CYP7B1: variants seen among roughly 807,000 people sequenced by gnomAD.
The protein encoded by CYP7B1 is cytochrome P450 7B1.
A neutral mutation model predicts 42.7 loss-of-function variants in CYP7B1; 29 were observed. The ratio of observed to expected loss-of-function variants is 0.68; its 90% CI spans 0.51 to 0.93. The LOEUF is 0.93. CYP7B1 is among the 40% of genes least tolerant of loss of function. The pLI, the probability that CYP7B1 is intolerant of heterozygous loss-of-function variation, is 0.00. For synonymous variants in CYP7B1, 235 were observed against 218.2 expected, an observed-to-expected ratio of 1.08 and a Z score of -0.68; for missense variants, 655 against 600.5, an observed-to-expected ratio of 1.09 and a Z score of -0.95.
At chr8:64,716,388 T>A (rs117602542) in intron 1 of CYP7B1, among the ~76,000 whole-genome samples, 1 of 152,270 alleles carries the variant, frequency 6.6e-6, no homozygotes, top group African/African-American at 2.4e-5. Context: ...TAAACATTTA[T>A]GGAAAATACT....
In CYP7B1 at chr8:64,590,936, C is replaced by T. The variant is rs776636288; in HGVS notation, c.*5706G>A. ...CTTGCAAAGCACTTGCATTTCTTAT[C>T]TGACATCTTTTAGGACAATTTGATT... On this transcript the variant is annotated 3_prime_UTR_variant, in exon 6 of 6. Coordinates refer to ENST00000310193, the MANE Select transcript of CYP7B1 (RefSeq NM_004820.5). 3.9e-5 allele frequency among the ~76,000 whole-genome samples: 6 copies of T among 152,106 alleles called. No homozygotes were observed. Among genetic ancestry groups the T allele is most frequent in the Non-Finnish European group, 8.8e-5 (6 of 67,972 alleles).
At chr8:64,694,831 C>T (rs985733184) in intron 1 of CYP7B1, among the ~76,000 whole-genome samples, 1 of 152,026 alleles carries the variant, frequency 6.6e-6, no homozygotes, top group Non-Finnish European at 1.5e-5. Context: ...TAATGGTTTC[C>T]CAGATTATCA....
At chr8:64,587,852 T>G (rs904836891), downstream of CYP7B1, 1 of 152,098 alleles carries the variant, frequency 6.6e-6, no homozygotes, top group African/African-American at 2.4e-5. Context: ...GAAAAGAGGA[T>G]TTGTCAGTTA....
chr8:64,715,716 A>G (rs1455622523), intron 1 of CYP7B1, among the ~76,000 whole-genome samples: 1 of 152,136 alleles, frequency 6.6e-6, no homozygotes, highest in African/African-American at 2.4e-5. Flanking sequence ...TTCTTTCTAC[A>G]CCCAAAAGAG....
intron 4 of CYP7B1, among the ~76,000 whole-genome samples, chr8:64,614,368 G>A (rs556909390): frequency 6.6e-6 from 1 of 152,076 alleles, no homozygotes; most frequent in African/African-American, 2.4e-5. Flanking sequence ...ATGAGTCGGT[G>A]AGTATTTTAT....
intron 1 of CYP7B1, among the ~76,000 whole-genome samples, chr8:64,772,148 C>T (rs1276269261): frequency 6.6e-6 from 1 of 152,206 alleles, no homozygotes; most frequent in Admixed American, 6.5e-5. Flanking sequence ...CACACCATGC[C>T]TTCCTTTACT....
rs928209445 is a variant in CYP7B1 at position 64,593,653 on chromosome 8, A to AT, written c.*2988dup. Among the ~76,000 whole-genome samples, 17 of 152,140 alleles carry AT rather than the reference A, an allele frequency of 1.1e-4. No homozygotes were observed. Among genetic ancestry groups the AT allele is most frequent in the Non-Finnish European group, 1.8e-4 (12 of 68,026 alleles). The stretch of plus-strand genomic sequence containing the variant: ...ATGAACTTTAAATCTAGGTCTAAAG[A>AT]TTTTTCAGAGATAAAAATCCAAGGA... On this transcript the variant is annotated 3_prime_UTR_variant, in exon 6 of 6. Transcript: ENST00000310193.
intron 1 of CYP7B1, among the ~76,000 whole-genome samples, chr8:64,710,813 T>C (rs933882005): frequency 2.0e-5 from 3 of 149,930 alleles, no homozygotes; most frequent in Non-Finnish European, 3.0e-5. Context: ...ATATATAATA[T>C]ATAAACATAA....
At chr8:64,630,041 G>A (rs868243870) in intron 1 of CYP7B1, among the ~76,000 whole-genome samples, 6 of 152,160 alleles carry the variant, frequency 3.9e-5, no homozygotes, top group African/African-American at 1.4e-4. Flanking sequence ...AGCAATGAAC[G>A]CAAAGGTGGA....
intron 1 of CYP7B1, among the ~76,000 whole-genome samples, chr8:64,792,524 T>G (rs1200583757): frequency 6.6e-6 from 1 of 152,174 alleles, no homozygotes; most frequent in Non-Finnish European, 1.5e-5. Context: ...GTACTGAGTA[T>G]TTAATCAATT....
At chr8:64,641,482 G>T (rs1217086052) in intron 1 of CYP7B1, among the ~76,000 whole-genome samples, 1 of 152,096 alleles carries the variant, frequency 6.6e-6, no homozygotes, top group Non-Finnish European at 1.5e-5. Context: ...GTATCAAAGA[G>T]ACAAGGGTAC....
chr8:64,598,832 A>G (rs751088060), intron 5 of CYP7B1, among the ~76,000 whole-genome samples: 7 of 152,162 alleles, frequency 4.6e-5, no homozygotes, highest in African/African-American at 7.2e-5. Flanking sequence ...AGAAATTCCT[A>G]TTCGGTTGTT....
At chr8:64,637,777 C>T (rs1805795139) in intron 1 of CYP7B1, among the ~76,000 whole-genome samples, 1 of 152,064 alleles carries the variant, frequency 6.6e-6, no homozygotes, top group African/African-American at 2.4e-5. Flanking sequence ...ATTTAGATAG[C>T]GTTCAATTGC....
At chr8:64,738,753 AC>A (rs974825260) in intron 1 of CYP7B1, among the ~76,000 whole-genome samples, 2 of 152,220 alleles carry the variant, frequency 1.3e-5, no homozygotes, top group African/African-American at 4.8e-5. Context: ...GCAAACTGCC[AC>A]CCCAAAATCT....
chr8:64,746,423 C>T (rs1035775158), intron 1 of CYP7B1, among the ~76,000 whole-genome samples: 20 of 152,156 alleles, frequency 1.3e-4, no homozygotes, highest in African/African-American at 4.3e-4. Flanking sequence ...CCTGCATGCT[C>T]TCATCACTCA....
chr8:64,617,343 C>A (rs896529396), intron 2 of CYP7B1, among the ~76,000 whole-genome samples: 1 of 152,120 alleles, frequency 6.6e-6, no homozygotes, highest in Non-Finnish European at 1.5e-5. Context: ...TATAGTCTGT[C>A]TCTCAAAATT....
At chr8:64,782,685 G>T (rs1369913073) in intron 1 of CYP7B1, among the ~76,000 whole-genome samples, 1 of 152,138 alleles carries the variant, frequency 6.6e-6, no homozygotes, top group Non-Finnish European at 1.5e-5. Flanking sequence ...CAAAACAGAT[G>T]AAGTGTTTAA....
chr8:64,667,195 T>G (rs933789227), intron 1 of CYP7B1, among the ~76,000 whole-genome samples: 1 of 152,210 alleles, frequency 6.6e-6, no homozygotes, highest in African/African-American at 2.4e-5. Flanking sequence ...CTGTCGAAAT[T>G]ATGTACTAAG....
intron 5 of CYP7B1, among the ~76,000 whole-genome samples, chr8:64,603,917 C>T (rs1805237601): frequency 6.6e-6 from 1 of 152,142 alleles, no homozygotes; most frequent in African/African-American, 2.4e-5. Flanking sequence ...GCAAAGTTTC[C>T]CTTTGAAAAA....
Sources: gnomAD v4.1 joint callset for allele counts (sites outside exome capture counted in the v4.1 genomes callset) on GRCh38, gnomAD v4.1.1 for gene constraint, MANE v1.5 for transcripts, NCBI Gene and HGNC (gene_info 2026-07-23, HGNC 2026-07-21) for gene names.